The following FBXO42 variants were observed in gnomAD, a reference collection of about 807,000 sequenced individuals.
The protein encoded by FBXO42 is F-box only protein 42.
A neutral mutation model predicts 71.7 loss-of-function variants in FBXO42; 12 were observed. The observed-to-expected ratio is 0.17, with a 90% CI of 0.11 to 0.27. The LOEUF (loss-of-function observed/expected upper bound fraction) is 0.27. Ranked by LOEUF, FBXO42 falls within the 10% of genes least tolerant of loss-of-function variation. The probability of loss-of-function intolerance (pLI) is 1.00; values close to 1 mark genes in which losing one functional copy is unlikely to be tolerated. For missense variants in FBXO42, 707 were observed against 911.9 expected (o/e 0.78, Z 2.89); for synonymous variants, 325 against 327.5 (o/e 0.99, Z 0.08).
At chr1:16,302,288 A>T (rs2082203546) in intron 3 of FBXO42, among the ~76,000 whole-genome samples, 1 of 152,182 alleles carries the variant, frequency 6.6e-6, no homozygotes, top group African/African-American at 2.4e-5. Context: ...CAACGCCTGT[A>T]ATCTAGGCAC....
At chr1:16,323,380 TG>T (rs1553154571) in intron 1 of FBXO42, among the ~76,000 whole-genome samples, 4 of 152,026 alleles carry the variant, frequency 2.6e-5, no homozygotes, top group Non-Finnish European at 5.9e-5. Context: ...ATCGTGCCAC[TG>T]TACTCCAGCC....
intron 1 of FBXO42, among the ~76,000 whole-genome samples, chr1:16,346,114 A>C (rs28524715): frequency 0.026 from 3,924 of 152,320 alleles, 141 homozygotes; most frequent in African/African-American, 0.09. Context: ...ATAGTGATAC[A>C]GAAAGTAGCA....
At chr1:16,261,907 T>G (rs1569820171) in intron 4 of FBXO42, among the ~76,000 whole-genome samples, 1 of 151,894 alleles carries the variant, frequency 6.6e-6, no homozygotes, top group East Asian at 1.9e-4. Flanking sequence ...AGAGGCAGGG[T>G]TTCACTGTGT....
Position 16,315,384 on chromosome 1 carries a change from A to T in FBXO42, c.35T>A (p.Phe12Tyr). 1 of 1,614,188 alleles carries T rather than the reference A, an allele frequency of 6.2e-7. No individual in the cohort carries two copies. Among genetic ancestry groups the T allele is most frequent in the South Asian group, 1.1e-5 (1 of 91,076 alleles). The stretch of plus-strand genomic sequence containing the variant: ...AGTTTCTTCCTGGTCCACAGCCATG[A>T]AACTGTCATCTTCACTGTCCGAGGA... ...ASSSDSEDDS[F>Y]MAVDQEETVL... Residue 12 changes from phenylalanine (F) to tyrosine (Y), a missense_variant, in exon 2 of 10, where the codon TTC (phenylalanine) becomes TAC (tyrosine). By Grantham distance (22) the Phe-to-Tyr change is conservative. Around this residue, in one of 5 missense-constraint regions of FBXO42, gnomAD observed 188 missense variants for 230.5 expected, o/e 0.82. Coordinates refer to ENST00000375592, the MANE Select transcript of FBXO42 (RefSeq NM_018994.3).
intron 4 of FBXO42, among the ~76,000 whole-genome samples, chr1:16,269,223 G>T (rs761853370): frequency 4.0e-5 from 6 of 150,374 alleles, no homozygotes; most frequent in Non-Finnish European, 7.4e-5. Flanking sequence ...AAGTAGCTGG[G>T]ACTACAGGCA....
intron 4 of FBXO42, among the ~76,000 whole-genome samples, chr1:16,289,847 C>T (rs538663618): frequency 1.3e-5 from 2 of 151,938 alleles, no homozygotes; most frequent in Non-Finnish European, 1.5e-5. Context: ...GGCAGGAGGT[C>T]GAGGCTACAG....
chr1:16,256,790 A>AT (rs749964611), intron 4 of FBXO42, 31 bp from the exon 5 acceptor site: 2 of 1,611,080 alleles, frequency 1.2e-6, no homozygotes, highest in South Asian at 2.2e-5. Flanking sequence ...CATGGTTAGC[A>AT]TTCAGGATCT....
chr1:16,301,691 A>AC (rs1158004128), intron 3 of FBXO42, among the ~76,000 whole-genome samples: 5 of 150,902 alleles, frequency 3.3e-5, no homozygotes, highest in South Asian at 2.1e-4. Context: ...AAACAACAAA[A>AC]AAAAAAGAAA....
chr1:16,290,123 A>G (rs1411903477), intron 4 of FBXO42, among the ~76,000 whole-genome samples: 1 of 152,140 alleles, frequency 6.6e-6, no homozygotes, highest in Non-Finnish European at 1.5e-5. Flanking sequence ...TTTTAGTGTA[A>G]GATCTGTCAT....
At chr1:16,328,716 C>G (rs2082471136) in intron 1 of FBXO42, among the ~76,000 whole-genome samples, 1 of 152,162 alleles carries the variant, frequency 6.6e-6, no homozygotes, top group African/African-American at 2.4e-5. Flanking sequence ...ACCTAGCACC[C>G]AGAAGTTCTT....
chr1:16,350,650 G>A (rs1241662252), intron 1 of FBXO42, among the ~76,000 whole-genome samples: 3 of 149,296 alleles, frequency 2.0e-5, no homozygotes, highest in Non-Finnish European at 3.0e-5. Context: ...AGGAAGCTGA[G>A]GCAGGAGAAT....
chr1:16,256,796 G>C (rs773948768), intron 4 of FBXO42, 37 bp from the exon 5 acceptor site: 1 of 1,609,946 alleles, frequency 6.2e-7, no homozygotes, highest in Non-Finnish European at 8.5e-7. Context: ...TAGCATTCAG[G>C]ATCTCACAAC....
At chr1:16,275,002 C>G (rs2081885147) in intron 4 of FBXO42, among the ~76,000 whole-genome samples, 1 of 152,172 alleles carries the variant, frequency 6.6e-6, no homozygotes, top group South Asian at 2.1e-4. Flanking sequence ...GTACCACCAA[C>G]TACTTTAGCC....
intron 3 of FBXO42, 103 bp downstream of exon 3, chr1:16,305,698 AGT>A: frequency 1.1e-6 from 1 of 933,684 alleles, no homozygotes; most frequent in South Asian, 1.4e-5. Context: ...TGGGTGATAG[AGT>A]GAGACCTTGT....
intron 4 of FBXO42, among the ~76,000 whole-genome samples, chr1:16,264,338 A>G (rs2100456711): frequency 6.6e-6 from 1 of 152,366 alleles, no homozygotes; most frequent in South Asian, 2.1e-4. Flanking sequence ...ATAGTTAAAA[A>G]GGCACATAAC....
At position 16,246,974 on chromosome 1, in the gene FBXO42, T is replaced by C. The variant is rs2081540491; in HGVS notation, c.*3696A>G. ...TTCCTACACTGTTATGTGCCCAAAATGACTATCTCAGGGTAAGCCACCTGG... is the reference window on the plus strand; with the variant it reads ...TTCCTACACTGTTATGTGCCCAAAACGACTATCTCAGGGTAAGCCACCTGG... On this transcript the variant is annotated 3_prime_UTR_variant, in exon 10 of 10. Coordinates refer to ENST00000375592, the MANE Select transcript of FBXO42 (RefSeq NM_018994.3). The C allele has an allele frequency of 6.6e-6, 1 of 152,190 alleles. No homozygotes were observed. The highest frequency in any genetic ancestry group is 1.5e-5 in the Non-Finnish European group (1 of 68,048). The allele number at this position is 152,190 out of a possible 1,614,324, so 9.4% of individuals were successfully genotyped here.
At chr1:16,291,155 C>T (rs575526634) in intron 4 of FBXO42, among the ~76,000 whole-genome samples, 9 of 152,258 alleles carry the variant, frequency 5.9e-5, no homozygotes, top group Middle Eastern at 3.4e-3. Flanking sequence ...ACTGACAGTG[C>T]CCTCCCCTCA....
intron 3 of FBXO42, among the ~76,000 whole-genome samples, chr1:16,295,363 C>A (rs556799922): frequency 6.6e-6 from 1 of 152,232 alleles, no homozygotes; most frequent in African/African-American, 2.4e-5. Flanking sequence ...AAACCTGAAG[C>A]ACAAATCAAT....
At chr1:16,341,969 CT>C (rs2082609276) in intron 1 of FBXO42, among the ~76,000 whole-genome samples, 1 of 115,842 alleles carries the variant, frequency 8.6e-6, no homozygotes, top group Non-Finnish European at 1.9e-5. Context: ...GAAATTCCGT[CT>C]CCAAAAAAAA....
Sources: gnomAD v4.1 joint callset for allele counts (sites outside exome capture counted in the v4.1 genomes callset) on GRCh38, gnomAD v4.1.1 for gene constraint, gnomAD v4.1.1 regional missense constraint, MANE v1.5 for transcripts, NCBI Gene and HGNC (gene_info 2026-07-23, HGNC 2026-07-21) for gene names.